RIMBP2: variants seen among roughly 807,000 people sequenced by gnomAD.
RIMBP2 encodes RIMS binding protein 2.
A neutral mutation model predicts 118.6 loss-of-function variants in RIMBP2; 48 were observed. That is an observed-to-expected ratio of 0.40 (90% confidence interval 0.32 to 0.51). The LOEUF is 0.51. Among genes scored for constraint, RIMBP2 ranks in the 20% least tolerant of loss-of-function variants. RIMBP2 has a pLI of 0.41. For missense variants in RIMBP2, 1,551 were observed against 1,768.3 expected (o/e 0.88, Z 2.20); for synonymous variants, 762 against 742.9 (o/e 1.03, Z -0.42).
At chr12:130,693,582 G>A (rs2065434818) in intron 1 of RIMBP2, among the ~76,000 whole-genome samples, 1 of 152,102 alleles carries the variant, frequency 6.6e-6, no homozygotes, top group Admixed American at 6.5e-5. Context: ...GGAGAGGAGA[G>A]CAGGTGCTTT....
At chr12:130,597,145 G>T (rs1176478240) in intron 2 of RIMBP2, among the ~76,000 whole-genome samples, 1 of 152,180 alleles carries the variant, frequency 6.6e-6, no homozygotes, top group African/African-American at 2.4e-5. Flanking sequence ...TAACAAAATT[G>T]TAGGTCACTA....
rs780095567 is a variant in RIMBP2, at chr12:130,396,875, G to GT, written c.*485dup. The GT allele has an allele frequency of 6.6e-6, 1 of 152,586 alleles. No homozygotes were observed. Among genetic ancestry groups the GT allele is most frequent in the African/African-American group, 2.4e-5 (1 of 41,460 alleles). 9.5% of individuals were successfully genotyped at this position (152,586 alleles called of 1,614,324 possible). On this transcript the variant is annotated 3_prime_UTR_variant, in exon 23 of 23. Transcript: ENST00000690449. ...GCACGACACATACAAAGTATACACT[G>GT]TTTTTATTAGACAGTACAAATCATT... is the stretch of plus-strand genomic sequence containing the variant.
Position 130,664,221 on chromosome 12 carries a change from T to A in RIMBP2, c.-351-35765A>T, listed in dbSNP as rs535156085. Among the ~76,000 whole-genome samples, 9 of 151,792 alleles carry A rather than the reference T, an allele frequency of 5.9e-5. No homozygotes were observed. The East Asian group carries it at 1.7e-3, about 29-fold the overall frequency. On this transcript the variant is annotated intron_variant, in intron 1 of 22. Coordinates refer to ENST00000690449, the MANE Select transcript of RIMBP2 (RefSeq NM_001393629.1). ...ATGTTGCCTAAAATAGAATCCAGGT[T>A]TCTCAGTCTCAGAGGAGGGAGTTGA...
chr12:130,438,835 C>A (rs1283193907), intron 11 of RIMBP2, among the ~76,000 whole-genome samples: 1 of 152,160 alleles, frequency 6.6e-6, no homozygotes, highest in East Asian at 1.9e-4. Context: ...CCCGGCAGAG[C>A]TACCTCTGTC....
chr12:130,596,673 G>A (rs7314009), intron 2 of RIMBP2, among the ~76,000 whole-genome samples: 18,948 of 152,194 alleles, frequency 0.12, 1,540 homozygotes, highest in Non-Finnish European at 0.19. Context: ...GTAAGTGCTC[G>A]GTAACAGTTG....
chr12:130,486,350 ATC>A (rs972091195), intron 4 of RIMBP2, among the ~76,000 whole-genome samples: 2 of 151,988 alleles, frequency 1.3e-5, no homozygotes, highest in Admixed American at 6.6e-5. Flanking sequence ...CCTCCCGCTG[ATC>A]TCTAAATCCT....
At chr12:130,642,179 C>T (rs2062652542) in intron 1 of RIMBP2, among the ~76,000 whole-genome samples, 1 of 152,164 alleles carries the variant, frequency 6.6e-6, no homozygotes, top group Admixed American at 6.5e-5. Flanking sequence ...AAAGGCAGAC[C>T]AGAAAGAGAA....
At chr12:130,628,832 G>A (rs1280376113) in intron 1 of RIMBP2, among the ~76,000 whole-genome samples, 1 of 152,066 alleles carries the variant, frequency 6.6e-6, no homozygotes, top group African/African-American at 2.4e-5. Flanking sequence ...CAGAATTGAG[G>A]GCACAAGTCA....
rs1054128865 is a variant in RIMBP2, at chr12:130,431,493, C to T, written c.2254-3156G>A. The T allele has an allele frequency of 5.7e-5, 20 of 351,366 alleles. No homozygotes were observed. Among genetic ancestry groups the T allele is most frequent in the African/African-American group, 1.2e-4 (6 of 48,150 alleles). 21.8% of individuals were successfully genotyped at this position (351,366 alleles called of 1,614,324 possible). On this transcript the variant is annotated intron_variant, in intron 14 of 22. Coordinates refer to ENST00000690449, the MANE Select transcript of RIMBP2 (RefSeq NM_001393629.1). This position sits in a 1 kb window ranked among gnomAD's most constrained non-coding sequence, Gnocchi z 4.0. ...TTCTTTGAATTGAATCAATATTTAACGTTACTTTTAAAGAAAATATCTCAA... is the reference window on the plus strand; with the variant it reads ...TTCTTTGAATTGAATCAATATTTAATGTTACTTTTAAAGAAAATATCTCAA...
In RIMBP2 at chr12:130,419,281, G is replaced by C. The variant is rs1180854947; in HGVS notation, c.3238+3172C>G. On this transcript the variant is annotated intron_variant, in intron 17 of 22. Coordinates refer to ENST00000690449, the MANE Select transcript of RIMBP2 (RefSeq NM_001393629.1). The surrounding 1 kb of genome is among the most constrained non-coding windows in gnomAD (Gnocchi z 4.3). ...GGGAGTGGGCACTGCCTCCCATCCT[G>C]CTGAGGAAGTGTGCTGGCCCAAGGG... Among the ~76,000 whole-genome samples, 1 of 152,164 alleles carries C rather than the reference G, an allele frequency of 6.6e-6. No homozygotes were observed. The highest frequency in any genetic ancestry group is 2.4e-5 in the African/African-American group (1 of 41,440).
intron 1 of RIMBP2, among the ~76,000 whole-genome samples, chr12:130,663,690 C>G (rs192138633): frequency 1.3e-5 from 2 of 151,732 alleles, no homozygotes; most frequent in African/African-American, 4.9e-5. Context: ...TGTCCCCAGA[C>G]GCCTCTGAGT....
intron 2 of RIMBP2, among the ~76,000 whole-genome samples, chr12:130,545,904 C>T (rs939746181): frequency 7.2e-5 from 11 of 152,080 alleles, no homozygotes; most frequent in Non-Finnish European, 1.6e-4. Flanking sequence ...AAAAACAAAG[C>T]CACAGGATTT....
intron 4 of RIMBP2, among the ~76,000 whole-genome samples, chr12:130,498,633 CA>C (rs35549770): frequency 1.0e-3 from 121 of 115,658 alleles, no homozygotes; most frequent in Middle Eastern, 8.5e-3. Flanking sequence ...AAACAGCATT[CA>C]AAAAAAAAAA....
At chr12:130,691,021 G>A (rs1039321009) in intron 1 of RIMBP2, among the ~76,000 whole-genome samples, 6 of 152,152 alleles carry the variant, frequency 3.9e-5, no homozygotes, top group African/African-American at 1.4e-4. Context: ...TTTCTTGTTG[G>A]GGGAGGAGGG....
chr12:130,706,169 T>C (rs2066108813), intron 1 of RIMBP2, among the ~76,000 whole-genome samples: 1 of 152,242 alleles, frequency 6.6e-6, no homozygotes, highest in Non-Finnish European at 1.5e-5. Context: ...TTCTAAATGC[T>C]CTGTGCCATT....
At chr12:130,589,557 G>A (rs1182490296) in intron 2 of RIMBP2, among the ~76,000 whole-genome samples, 1 of 152,122 alleles carries the variant, frequency 6.6e-6, no homozygotes, top group Non-Finnish European at 1.5e-5. Flanking sequence ...GCTAACTCCT[G>A]AAACTCCACC....
intron 2 of RIMBP2, among the ~76,000 whole-genome samples, chr12:130,538,558 A>C (rs912251603): frequency 1.1e-4 from 16 of 152,304 alleles, no homozygotes; most frequent in Non-Finnish European, 5.9e-5. Context: ...TCACACCGTC[A>C]AGAAAAGCCT....
In RIMBP2 at chr12:130,437,227, A is replaced by G; in HGVS notation, c.1721T>C (p.Leu574Pro). 6.3e-7 allele frequency: 1 copy of G among 1,584,748 alleles called. No homozygotes were observed. The highest frequency in any genetic ancestry group is 1.3e-5 in the African/African-American group (1 of 74,688). The change falls in exon 13 of 23, where the codon CTG (leucine) becomes CCG (proline). Residue 574 changes from leucine (L) to proline (P), a missense_variant. Leu to Pro is a moderately conservative substitution (Grantham distance 98). Coordinates refer to ENST00000690449, the MANE Select transcript of RIMBP2 (RefSeq NM_001393629.1). ...TAVELVRLRS[L>P]EAKGVTVRTL... ...CCGCACGGTCACGCCCTTGGCCTCC[A>G]GGCTCCGCAGCCGCACAAGCTCCAC...
At position 130,469,942 on chromosome 12, in the gene RIMBP2, G is replaced by A. The variant is rs74519967; in HGVS notation, c.153+751C>T. Among the ~76,000 whole-genome samples the A allele has an allele frequency of 0.027, 4,102 of 152,290 alleles. 211 individuals carry two copies. Among genetic ancestry groups the A allele is most frequent in the African/African-American group, 0.095 (3,944 of 41,540 alleles). On this transcript the variant is annotated intron_variant, in intron 6 of 22. Transcript: ENST00000690449. The surrounding 1 kb of genome is among the most constrained non-coding windows in gnomAD (Gnocchi z 4.8). ...AGCCCAGCCACTGTGCATGATGGATGCAGACAGCAGAGGCCTGAGGGGGAC... is the reference window on the plus strand; with the variant it reads ...AGCCCAGCCACTGTGCATGATGGATACAGACAGCAGAGGCCTGAGGGGGAC...
Sources: allele counts gnomAD v4.1 joint callset (sites outside exome capture counted in the v4.1 genomes callset), GRCh38; gene constraint gnomAD v4.1.1; non-coding constraint Gnocchi (gnomAD v3.1); transcripts MANE v1.5; gene names NCBI Gene and HGNC (gene_info 2026-07-23, HGNC 2026-07-21).